The following FBF1 variants were observed in gnomAD, a reference collection of about 807,000 sequenced individuals.
FBF1 encodes fas-binding factor 1.
FBF1 carries 119 observed loss-of-function variants against 147.2 expected under a neutral mutation model. The ratio of observed to expected loss-of-function variants is 0.81; its 90% CI spans 0.70 to 0.94. FBF1 has a LOEUF of 0.94. FBF1 is among the 40% of genes least tolerant of loss of function. The pLI is 0.00. For synonymous variants in FBF1, 601 were observed against 609.0 expected (o/e 0.99, Z 0.19); for missense variants, 1,449 against 1,500.8 (o/e 0.97, Z 0.57).
chr17:75,935,522 C>CG, intron 4 of FBF1, 110 bp downstream of exon 4: 1 of 1,150,592 alleles, frequency 8.7e-7, no homozygotes, highest in South Asian at 1.5e-5. Flanking sequence ...GTTTAGGAGG[C>CG]GGGAGGATCA....
chr17:75,929,945 A>AGGGGGCCC, intron 7 of FBF1, 52 bp downstream of exon 7: 2 of 650,896 alleles, frequency 3.1e-6, no homozygotes, highest in Non-Finnish European at 5.6e-6. Context: ...AAATATCATG[A>AGGGGGCCC]CCCCACCCCA....
intron 1 of FBF1, among the ~76,000 whole-genome samples, chr17:75,938,570 A>AG (rs1325960666): frequency 2.0e-5 from 3 of 151,086 alleles, no homozygotes; most frequent in African/African-American, 7.3e-5. Flanking sequence ...AAAAAAAAAA[A>AG]AAAAAAAGAG....
At position 75,923,457 on chromosome 17, in the gene FBF1, G is replaced by A. The variant is rs7218738; in HGVS notation, c.1153C>T (p.Pro385Ser). The change falls in exon 14 of 30, where the codon CCT (proline) becomes TCT (serine). Residue 385 changes from proline (P) to serine (S), a missense_variant. By Grantham distance (74) the Pro-to-Ser change is moderately conservative. Coordinates refer to ENST00000636174, the MANE Select transcript of FBF1 (RefSeq NM_001319193.2). This position sits in a 1 kb window ranked among gnomAD's most constrained non-coding sequence, Gnocchi z 4.1. The stretch of plus-strand genomic sequence containing the variant: ...GGAGGAGGCACTGAGGGCGTGACAG[G>A]CACTGAACTTTCCCGATGGGCCTCT... Reference protein sequence around the residue: ...TREAHRESSVPVTPSVPPPAS... With the variant: ...TREAHRESSVSVTPSVPPPAS... The A allele has an allele frequency of 0.08, 128,530 of 1,608,636 alleles. 6,743 individuals are homozygous for A. Among genetic ancestry groups the A allele is most frequent in the African/African-American group, 0.24 (17,897 of 74,914 alleles).
At chr17:75,940,378 T>C (rs2065655596) in intron 1 of FBF1, among the ~76,000 whole-genome samples, 1 of 151,168 alleles carries the variant, frequency 6.6e-6, no homozygotes, top group South Asian at 2.1e-4. Context: ...TCAGCCTCCC[T>C]AGCAGCTGGG....
At position 75,909,900 on chromosome 17, in the gene FBF1, G is replaced by A; in HGVS notation, c.*823C>T. On this transcript the variant is annotated 3_prime_UTR_variant, in exon 30 of 30. Transcript: ENST00000636174. ...GTCAAGTTGAAGCAGCGGGAGTGGA[G>A]GAGGATCAGAGAAACCTCTGTAGTT... 1.4e-6 allele frequency: 1 copy of A among 701,396 alleles called. No homozygotes were observed. 43.4% of individuals were successfully genotyped at this position (701,396 alleles called of 1,614,324 possible). A position where few individuals can be genotyped will look rare whatever the true frequency, so the allele number is the denominator to read the frequency against.
intron 15 of FBF1, 55 bp from the exon 16 acceptor site, chr17:75,921,615 G>A (rs949245513): frequency 1.3e-5 from 19 of 1,425,138 alleles, no homozygotes; most frequent in African/African-American, 1.4e-5. Context: ...ACACGGGGAC[G>A]GGGCAGGGTG....
At chr17:75,927,609 GC>G in intron 8 of FBF1, 77 bp from the exon 9 acceptor site, 1 of 1,359,288 alleles carries the variant, frequency 7.4e-7, no homozygotes, top group Non-Finnish European at 1.0e-6. Flanking sequence ...ATGGACTGGG[GC>G]CCCTGGGATG....
intron 4 of FBF1, 60 bp downstream of exon 4, chr17:75,935,572 T>A (rs1020294447): frequency 1.1e-5 from 17 of 1,492,842 alleles, no homozygotes; most frequent in Non-Finnish European, 1.3e-5. Context: ...GGCAACATAG[T>A]AAGAAAAAAA....
In FBF1 at chr17:75,938,216, C is replaced by T; in HGVS notation, c.-67G>A. ...GGCCAGCTCATCTGGATTCTGCCCACATCAGGCTCATACTCCCTAATGAAG... is the reference window on the plus strand; with the variant it reads ...GGCCAGCTCATCTGGATTCTGCCCATATCAGGCTCATACTCCCTAATGAAG... On this transcript the variant is annotated 5_prime_UTR_variant, in exon 2 of 30. The change creates a new upstream start codon in the 5' untranslated region. Coordinates refer to ENST00000636174, the MANE Select transcript of FBF1 (RefSeq NM_001319193.2). 2 of 1,606,548 alleles carry T rather than the reference C, an allele frequency of 1.2e-6. No homozygotes were observed. The highest frequency in any genetic ancestry group is 1.7e-6 in the Non-Finnish European group (2 of 1,174,552).
At chr17:75,933,132 A>T in intron 4 of FBF1, 44 bp from the exon 5 acceptor site, 1 of 1,471,062 alleles carries the variant, frequency 6.8e-7, no homozygotes, top group Non-Finnish European at 9.3e-7. Flanking sequence ...AACTAAAGGT[A>T]CCTGGAGTCA....
At chr17:75,937,691 AC>A in intron 2 of FBF1, 98 bp from the exon 3 acceptor site, 1 of 1,272,468 alleles carries the variant, frequency 7.9e-7, no homozygotes, top group Non-Finnish European at 1.1e-6. Context: ...TTGCCAAGTA[AC>A]CAGAGGCAAG....
intron 17 of FBF1, 80 bp downstream of exon 17, chr17:75,921,164 G>C: frequency 6.9e-7 from 1 of 1,441,854 alleles, no homozygotes; most frequent in Non-Finnish European, 9.5e-7. Context: ...AGGTCGTCAG[G>C]TCAAACTGTG....
chr17:75,924,931 G>A (rs2065550726), intron 13 of FBF1, among the ~76,000 whole-genome samples: 1 of 152,098 alleles, frequency 6.6e-6, no homozygotes, highest in Non-Finnish European at 1.5e-5. Flanking sequence ...AGGTTCGACA[G>A]CAGAGTTCCT....
chr17:75,919,302 A>G lies in FBF1; in HGVS notation c.2138+366T>C, dbSNP rs945835775. Among the ~76,000 whole-genome samples the G allele has an allele frequency of 2.8e-4, 43 of 152,218 alleles. No individual in the cohort carries two copies. Among genetic ancestry groups the G allele is most frequent in the African/African-American group, 1.0e-3 (42 of 41,466 alleles). ...CCTTCTCTTCTAGAAAGGCAACCCT[A>G]TAAACATGGCAGGCACAACAGCGCA... On this transcript the variant is annotated intron_variant, in intron 20 of 29. Transcript: ENST00000636174. This position sits in a 1 kb window ranked among gnomAD's most constrained non-coding sequence, Gnocchi z 5.0.
Position 75,918,102 on chromosome 17 carries a change from G to C in FBF1, c.2247-32C>G, listed in dbSNP as rs771725054. 1 of 1,605,740 alleles carries C rather than the reference G, an allele frequency of 6.2e-7. No homozygotes were observed. The highest frequency in any genetic ancestry group is 1.3e-5 in the African/African-American group (1 of 74,778). ...GAAGACTGGGTCACCCCCTCCTGAC[G>C]GTCTCGGGGACCTTCCGGCCCCCAA... is the stretch of plus-strand genomic sequence containing the variant. On this transcript the variant is annotated intron_variant, in intron 21 of 29. Transcript: ENST00000636174. The surrounding 1 kb of genome is among the most constrained non-coding windows in gnomAD (Gnocchi z 5.8).
chr17:75,920,745 C>G (rs2065520562), intron 17 of FBF1, among the ~76,000 whole-genome samples: 1 of 152,066 alleles, frequency 6.6e-6, no homozygotes, highest in Non-Finnish European at 1.5e-5. Flanking sequence ...GCTGGCTTTT[C>G]CTGTCAGGCC....
At position 75,923,092 on chromosome 17, in the gene FBF1, G is replaced by T; in HGVS notation, c.1424+94C>A. The T allele has an allele frequency of 7.8e-7, 1 of 1,277,730 alleles. No individual in the cohort carries two copies. 79.1% of individuals were successfully genotyped at this position (1,277,730 alleles called of 1,614,324 possible). A position where few individuals can be genotyped will look rare whatever the true frequency, so the allele number is the denominator to read the frequency against. The stretch of plus-strand genomic sequence containing the variant: ...CGGCGCCCTGCCTTGTTCCCCAACT[G>T]CTGACTGAGGCTGCAACAGGTGAAG... On this transcript the variant is annotated intron_variant, in intron 14 of 29. Transcript: ENST00000636174. This position sits in a 1 kb window ranked among gnomAD's most constrained non-coding sequence, Gnocchi z 4.1.
intron 17 of FBF1, 135 bp downstream of exon 17, chr17:75,921,109 G>T: frequency 1.1e-6 from 1 of 877,176 alleles, no homozygotes; most frequent in Middle Eastern, 2.3e-4. Context: ...TGCCCGGGGA[G>T]CTGGCTGACG....
chr17:75,914,863 C>A lies in FBF1; in HGVS notation c.2698G>T (p.Glu900Ter), dbSNP rs907231532. The A allele has an allele frequency of 6.2e-7, 1 of 1,611,622 alleles. No individual in the cohort carries two copies. The highest frequency in any genetic ancestry group is 1.7e-5 in the Admixed American group (1 of 59,958). Reference sequence around the variant, plus strand: ...TGCTGCGCGGAGAACTCCGCCCACTCGGCAGCCAGGCGCCGCCGCTCCTCC... The same window carrying A: ...TGCTGCGCGGAGAACTCCGCCCACTAGGCAGCCAGGCGCCGCCGCTCCTCC... The part of the protein sequence containing the change: ...CGEERRRLAA[E>*]WAEFSAQQKL... Residue 900 changes from glutamate to a stop codon, truncating the protein, a stop_gained, in exon 25 of 30, where the codon GAG becomes TAG. Coordinates refer to ENST00000636174, the MANE Select transcript of FBF1 (RefSeq NM_001319193.2). LOFTEE classifies it high-confidence loss of function.
Sources: gnomAD v4.1 joint callset for allele counts (sites outside exome capture counted in the v4.1 genomes callset) on GRCh38, gnomAD v4.1.1 for gene constraint, Gnocchi (gnomAD v3.1) non-coding constraint, MANE v1.5 for transcripts, NCBI Gene and HGNC (gene_info 2026-07-23, HGNC 2026-07-21) for gene names.